ARHGAP10: variants seen among roughly 807,000 people sequenced by gnomAD.
ARHGAP10 encodes rho GTPase-activating protein 10.
ARHGAP10 carries 87 observed loss-of-function variants against 108.6 expected under a neutral mutation model. That is an observed-to-expected ratio of 0.80 (90% CI 0.67 to 0.96). ARHGAP10 has a LOEUF of 0.96. ARHGAP10 is among the 40% of genes least tolerant of loss of function. ARHGAP10 has a pLI of 0.00. For missense variants in ARHGAP10, 939 were observed against 954.5 expected (o/e 0.98, Z 0.21); for synonymous variants, 347 against 341.1 (o/e 1.02, Z -0.19).
intron 7 of ARHGAP10, among the ~76,000 whole-genome samples, chr4:147,870,926 G>A (rs1447165578): frequency 7.2e-6 from 1 of 138,896 alleles, no homozygotes; most frequent in Non-Finnish European, 1.5e-5. Flanking sequence ...CAAAACTACA[G>A]ACTGTGTGTG....
chr4:147,930,803 A>G (rs1460523779), intron 13 of ARHGAP10, among the ~76,000 whole-genome samples: 4 of 152,140 alleles, frequency 2.6e-5, no homozygotes, highest in Non-Finnish European at 5.9e-5. Context: ...TGCCAGCTGT[A>G]GCTACTCTAG....
chr4:147,951,421 T>C (rs2126978572), intron 15 of ARHGAP10, among the ~76,000 whole-genome samples: 1 of 150,784 alleles, frequency 6.6e-6, no homozygotes, highest in South Asian at 2.1e-4. Flanking sequence ...TTTTTTTTCA[T>C]TTTCTTTGTG....
chr4:147,759,300 C>G (rs1729502218), intron 1 of ARHGAP10, among the ~76,000 whole-genome samples: 1 of 152,196 alleles, frequency 6.6e-6, no homozygotes, highest in Non-Finnish European at 1.5e-5. Context: ...GGTGAAATAA[C>G]TTTCCCAAAC....
intron 1 of ARHGAP10, among the ~76,000 whole-genome samples, chr4:147,766,546 C>T (rs1455952042): frequency 6.7e-6 from 1 of 149,762 alleles, no homozygotes; most frequent in Non-Finnish European, 1.5e-5. Flanking sequence ...GTCTGTATAA[C>T]TGTGTGTGGG....
intron 1 of ARHGAP10, among the ~76,000 whole-genome samples, chr4:147,793,383 G>A (rs60059737): frequency 0.31 from 46,094 of 150,966 alleles, 8,107 homozygotes; most frequent in South Asian, 0.44. Context: ...CCCAGGATGT[G>A]CCAGTGAAGA....
intron 19 of ARHGAP10, 68 bp downstream of exon 19, chr4:148,023,481 G>A: frequency 6.9e-7 from 1 of 1,458,834 alleles, no homozygotes; most frequent in Non-Finnish European, 9.2e-7. Flanking sequence ...TGTCGTCAGG[G>A]CAGGCCACAG....
At chr4:147,921,383 C>T (rs934611325) in intron 13 of ARHGAP10, among the ~76,000 whole-genome samples, 7 of 152,154 alleles carry the variant, frequency 4.6e-5, no homozygotes, top group African/African-American at 1.4e-4. Context: ...GAATTGTTGA[C>T]GATTGGGTCT....
chr4:148,071,101 C>A (rs1730155442), intron 22 of ARHGAP10, among the ~76,000 whole-genome samples: 1 of 152,196 alleles, frequency 6.6e-6, no homozygotes, highest in Non-Finnish European at 1.5e-5. Context: ...AGGAGGCATC[C>A]AATCAGGTCT....
rs70958592 is a variant in ARHGAP10 at position 147,887,442 on chromosome 4, T to TAA, written c.1034+5516_1034+5517dup. ...TGAAATGCTCTTATTTCATTCATCT[T>TAA]AAAAAAACAAAAGCCACTACAGCCA... On this transcript the variant is annotated intron_variant, in intron 10 of 22. Transcript: ENST00000336498. Among the ~76,000 whole-genome samples the TAA allele has an allele frequency of 6.5e-3, 985 of 152,014 alleles. 12 individuals are homozygous for TAA. Among genetic ancestry groups the TAA allele is most frequent in the African/African-American group, 0.022 (926 of 41,394 alleles).
chr4:147,844,444 A>AT (rs1453499247), intron 3 of ARHGAP10, among the ~76,000 whole-genome samples: 1 of 151,970 alleles, frequency 6.6e-6, no homozygotes, highest in Non-Finnish European at 1.5e-5. Flanking sequence ...CTTTCAAACT[A>AT]TTTTTTTGTA....
At chr4:147,962,960 C>T (rs753344679) in intron 16 of ARHGAP10, among the ~76,000 whole-genome samples, 3 of 152,200 alleles carry the variant, frequency 2.0e-5, no homozygotes, top group Non-Finnish European at 4.4e-5. Flanking sequence ...TGTGCCTGGC[C>T]ACCACTCCTT....
chr4:147,847,265 C>G, intron 4 of ARHGAP10, 43 bp downstream of exon 4: 3 of 1,504,692 alleles, frequency 2.0e-6, no homozygotes, highest in Non-Finnish European at 2.8e-6. Flanking sequence ...ATAGATGCCT[C>G]TGCTGCTTCA....
At chr4:147,893,601 C>A (rs902276592) in intron 10 of ARHGAP10, among the ~76,000 whole-genome samples, 1 of 147,170 alleles carries the variant, frequency 6.8e-6, no homozygotes, top group African/African-American at 2.5e-5. Flanking sequence ...TTTATATAAT[C>A]TATATATAGA....
Position 147,831,196 on chromosome 4 carries a change from G to A in ARHGAP10, c.312+8239G>A, listed in dbSNP as rs530304278. On this transcript the variant is annotated intron_variant, in intron 3 of 22. Transcript: ENST00000336498. ...CTTTCCTTAGGGTTAGATCTGTCTG[G>A]ACGTTGGATACACTCTAAATTGTTT... Among the ~76,000 whole-genome samples the A allele has an allele frequency of 5.3e-5, 8 of 152,324 alleles. No individual in the cohort carries two copies. The South Asian group carries it at 1.7e-3, about 32-fold the overall frequency.
In ARHGAP10 at chr4:147,931,922, A is replaced by G. The variant is rs535188820; in HGVS notation, c.1229-7903A>G. On this transcript the variant is annotated intron_variant, in intron 13 of 22. Transcript: ENST00000336498. Reference sequence around the variant, plus strand: ...GAACGGGAGAAAATTTTTGCAATCTATCCATCTGACAAAGGTGTAATATCC... The same window carrying G: ...GAACGGGAGAAAATTTTTGCAATCTGTCCATCTGACAAAGGTGTAATATCC... Among the ~76,000 whole-genome samples, 197 of 152,328 alleles carry G rather than the reference A, an allele frequency of 1.3e-3. 1 individual carries two copies. The highest frequency in any genetic ancestry group is 4.5e-3 in the African/African-American group (187 of 41,564).
intron 18 of ARHGAP10, among the ~76,000 whole-genome samples, chr4:147,975,843 C>A (rs1002723208): frequency 6.6e-6 from 1 of 152,194 alleles, no homozygotes; most frequent in Non-Finnish European, 1.5e-5. Context: ...AATAATGTTA[C>A]GTGCACATAT....
chr4:147,946,093 G>A (rs1437282767), intron 14 of ARHGAP10: 2 of 152,274 alleles, frequency 1.3e-5, no homozygotes, highest in Non-Finnish European at 2.9e-5. Flanking sequence ...AATTTTTACC[G>A]TGGGCATGTA....
intron 16 of ARHGAP10, among the ~76,000 whole-genome samples, chr4:147,960,365 T>C (rs1479858469): frequency 6.6e-6 from 1 of 152,178 alleles, no homozygotes; most frequent in Non-Finnish European, 1.5e-5. Flanking sequence ...CATTTCTCAT[T>C]CTCAAATACT....
chr4:147,973,665 C>G (rs1739493811), intron 18 of ARHGAP10, among the ~76,000 whole-genome samples: 1 of 152,102 alleles, frequency 6.6e-6, no homozygotes, highest in African/African-American at 2.4e-5. Context: ...CATTAACCAT[C>G]CCTGCTCCCC....
Sources: allele counts gnomAD v4.1 joint callset (sites outside exome capture counted in the v4.1 genomes callset), GRCh38; gene constraint gnomAD v4.1.1; transcripts MANE v1.5; gene names NCBI Gene and HGNC (gene_info 2026-07-23, HGNC 2026-07-21).